The following SGMS1 variants were observed in gnomAD, a reference collection of about 807,000 sequenced individuals.
The protein encoded by SGMS1 is phosphatidylcholine:ceramide cholinephosphotransferase 1.
In SGMS1, 13 loss-of-function variants were observed where a neutral mutation model predicts 46.2. The observed-to-expected ratio is 0.28, with a 90% CI of 0.18 to 0.45. The LOEUF (loss-of-function observed/expected upper bound fraction) is 0.45, where lower values mean the gene tolerates loss of function less well. Among genes scored for constraint, SGMS1 ranks in the 20% least tolerant of loss-of-function variants. SGMS1 has a pLI of 1.00. For missense variants in SGMS1, 324 were observed against 519.9 expected (o/e 0.62, Z 3.66); for synonymous variants, 203 against 187.8 (o/e 1.08, Z -0.66).
intron 2 of SGMS1, among the ~76,000 whole-genome samples, chr10:50,572,807 G>A (rs1838347582): frequency 6.6e-6 from 1 of 151,938 alleles, no homozygotes; most frequent in Admixed American, 6.6e-5. Context: ...TAAATTATAG[G>A]ACCTGTCTCA....
At chr10:50,453,575 A>G (rs1837139287) in intron 5 of SGMS1, among the ~76,000 whole-genome samples, 1 of 151,512 alleles carries the variant, frequency 6.6e-6, no homozygotes, top group Admixed American at 6.6e-5. Flanking sequence ...GATATCAAAA[A>G]TATGAAAGAA....
intron 6 of SGMS1, among the ~76,000 whole-genome samples, chr10:50,344,583 CG>C (rs1404821271): frequency 4.6e-5 from 7 of 152,124 alleles, no homozygotes; most frequent in African/African-American, 1.7e-4. Flanking sequence ...GAATTTCCAA[CG>C]GTCAGCCGGG....
chr10:50,516,840 C>T (rs907605850), intron 3 of SGMS1, among the ~76,000 whole-genome samples: 7 of 152,116 alleles, frequency 4.6e-5, no homozygotes, highest in African/African-American at 1.7e-4. Flanking sequence ...TTTAAAAATA[C>T]TTTTTAATGC....
intron 2 of SGMS1, among the ~76,000 whole-genome samples, chr10:50,549,901 C>G (rs1386025777): frequency 6.6e-6 from 1 of 152,132 alleles, no homozygotes; most frequent in East Asian, 1.9e-4. Context: ...GAGGCTCAGC[C>G]AGAATTCCTC....
intron 3 of SGMS1, among the ~76,000 whole-genome samples, chr10:50,496,598 G>C (rs1837617487): frequency 6.6e-6 from 1 of 152,154 alleles, no homozygotes; most frequent in African/African-American, 2.4e-5. Context: ...ATTCCAAGTA[G>C]GAACAGACAT....
At chr10:50,471,246 A>G (rs1020823752) in intron 3 of SGMS1, among the ~76,000 whole-genome samples, 1 of 152,204 alleles carries the variant, frequency 6.6e-6, no homozygotes, top group East Asian at 1.9e-4. Context: ...ATGCTGCAGA[A>G]AAGAAGAGGT....
chr10:50,401,429 G>A (rs1048941324), intron 6 of SGMS1, among the ~76,000 whole-genome samples: 4 of 152,174 alleles, frequency 2.6e-5, no homozygotes, highest in Admixed American at 2.6e-4. Context: ...CTCGGAGAGA[G>A]TTTGTTCCTT....
intron 6 of SGMS1, among the ~76,000 whole-genome samples, chr10:50,394,283 G>A (rs1191226549): frequency 2.0e-5 from 3 of 152,160 alleles, no homozygotes; most frequent in Admixed American, 1.3e-4. Context: ...GAGTCTTAGC[G>A]TTTGTGTCGT....
At chr10:50,328,627 G>GA (rs1332031147) in intron 7 of SGMS1, among the ~76,000 whole-genome samples, 1 of 152,202 alleles carries the variant, frequency 6.6e-6, no homozygotes, top group African/African-American at 2.4e-5. Context: ...TTTATGAGTA[G>GA]AATTTGGGTG....
intron 2 of SGMS1, among the ~76,000 whole-genome samples, chr10:50,581,128 T>C (rs1379311632): frequency 1.3e-5 from 2 of 152,200 alleles, no homozygotes; most frequent in African/African-American, 4.8e-5. Flanking sequence ...CAGTTTTGAA[T>C]GCACAGCAAC....
rs773425601 is a variant in SGMS1, at chr10:50,308,136, C to T, written c.908G>A (p.Arg303Gln). Residue 303 changes from arginine to glutamine, a missense_variant, in exon 10 of 11, where the codon CGA (arginine) becomes CAA (glutamine). Arg to Gln is a conservative substitution (Grantham distance 43, BLOSUM62 1). Around this residue, in one of 2 missense-constraint regions of SGMS1, gnomAD observed 174 missense variants for 350.1 expected, o/e 0.50. Transcript: ENST00000361781. ...GCAAATCCAGTGATACCACCAGAGT[C>T]GCCGAGGGGAATCTGAAAGGGGGAG... ...YLFIKEYSPR[R>Q]LWWYHWICWL... is the part of the protein sequence containing the mutation. 17 of 1,612,804 alleles carry T rather than the reference C, an allele frequency of 1.1e-5. No homozygotes were observed. The South Asian group carries it at 1.5e-4, about 15-fold the overall frequency.
chr10:50,607,307 G>A (rs900919615), intron 1 of SGMS1, among the ~76,000 whole-genome samples: 1 of 152,194 alleles, frequency 6.6e-6, no homozygotes, highest in South Asian at 2.1e-4. Flanking sequence ...GTGTATAACA[G>A]CATTGACATG....
At chr10:50,509,475 G>C (rs1048738923) in intron 3 of SGMS1, among the ~76,000 whole-genome samples, 2 of 152,138 alleles carry the variant, frequency 1.3e-5, no homozygotes, top group African/African-American at 4.8e-5. Flanking sequence ...ATATATCACA[G>C]TGCATTTGTT....
At chr10:50,321,334 T>C (rs887331591) in intron 8 of SGMS1, among the ~76,000 whole-genome samples, 1 of 152,226 alleles carries the variant, frequency 6.6e-6, no homozygotes, top group Non-Finnish European at 1.5e-5. Context: ...TTCTAAAATC[T>C]TCCTCTTTTT....
rs114596961 is a variant in SGMS1 at position 50,435,962 on chromosome 10, C to T, written c.-312-2406G>A. Among the ~76,000 whole-genome samples the T allele has an allele frequency of 5.3e-3, 812 of 152,304 alleles. 10 individuals carry two copies. The highest frequency in any genetic ancestry group is 0.018 in the African/African-American group (766 of 41,556). On this transcript the variant is annotated intron_variant, in intron 5 of 10. Transcript: ENST00000361781. ...AACCAGTGTGCAATGTTCACAAGAACACGTGTGTCATTACAGTTTAGTTCC... is the reference window on the plus strand; with the variant it reads ...AACCAGTGTGCAATGTTCACAAGAATACGTGTGTCATTACAGTTTAGTTCC...
intron 2 of SGMS1, among the ~76,000 whole-genome samples, chr10:50,538,591 A>G (rs956080702): frequency 2.0e-5 from 3 of 152,170 alleles, no homozygotes; most frequent in African/African-American, 7.2e-5. Context: ...CCCTCAGGAC[A>G]TTAAATCCTG....
chr10:50,326,164 A>AAAAAAATT (rs1847529583), intron 8 of SGMS1, among the ~76,000 whole-genome samples: 2 of 149,674 alleles, frequency 1.3e-5, no homozygotes, highest in Admixed American at 1.3e-4. Flanking sequence ...AAAAAAAATT[A>AAAAAAATT]AAAAAATTAA....
intron 2 of SGMS1, among the ~76,000 whole-genome samples, chr10:50,576,355 C>T (rs1427752792): frequency 6.6e-6 from 1 of 152,220 alleles, no homozygotes. Flanking sequence ...AGCCAGCAAC[C>T]TCTGAAGCCC....
intron 5 of SGMS1, among the ~76,000 whole-genome samples, chr10:50,447,865 G>T (rs1837042498): frequency 2.6e-5 from 4 of 152,116 alleles, no homozygotes; most frequent in Admixed American, 1.3e-4. Flanking sequence ...TCATTTTAAA[G>T]AAAATAATCC....
Sources: allele counts gnomAD v4.1 joint callset (sites outside exome capture counted in the v4.1 genomes callset), GRCh38; gene constraint gnomAD v4.1.1; regional missense constraint gnomAD v4.1.1; transcripts MANE v1.5; gene names NCBI Gene and HGNC (gene_info 2026-07-23, HGNC 2026-07-21).